Variants in SPTLC3 observed in about 807,000 individuals in gnomAD.
SPTLC3 encodes the protein serine palmitoyltransferase long chain base subunit 3, also known as serine palmitoyltransferase 3.
SPTLC3 carries 36 observed loss-of-function variants against 59.3 expected under a neutral mutation model. The ratio of observed to expected loss-of-function variants is 0.61; its 90% CI spans 0.47 to 0.80. SPTLC3 has a LOEUF of 0.80. SPTLC3 is among the 30% of genes least tolerant of loss of function. SPTLC3 has a pLI of 0.00. For missense variants in SPTLC3, 625 were observed against 685.1 expected (o/e 0.91, Z 0.98); for synonymous variants, 257 against 240.8 (o/e 1.07, Z -0.62).
chr20:13,137,100 A>T (rs6105044), intron 9 of SPTLC3, among the ~76,000 whole-genome samples: 109,534 of 152,068 alleles, frequency 0.72, 39,626 homozygotes, highest in African/African-American at 0.79. Context: ...CTGGTACAAG[A>T]AGTTCCTCTT....
At position 13,166,554 on chromosome 20, in the gene SPTLC3, T is replaced by C. The variant is rs1014302394; in HGVS notation, c.*1687T>C. Reference sequence around the variant, plus strand: ...TTCCAACTTTTCTCAATGAAACTGATGCAGTATTATTTGTGCAAATAAAAT... The same window carrying C: ...TTCCAACTTTTCTCAATGAAACTGACGCAGTATTATTTGTGCAAATAAAAT... On this transcript the variant is annotated 3_prime_UTR_variant, in exon 12 of 12. Transcript: ENST00000399002. 9 of 152,226 alleles carry C rather than the reference T, an allele frequency of 5.9e-5. No homozygotes were observed. Among genetic ancestry groups the C allele is most frequent in the African/African-American group, 2.2e-4 (9 of 41,466 alleles). The allele number at this position is 152,226 out of a possible 1,614,324, so 9.4% of individuals were successfully genotyped here. A position where few individuals can be genotyped will look rare whatever the true frequency, so the allele number is the denominator to read the frequency against.
At chr20:13,053,544 C>T (rs979159628) in intron 2 of SPTLC3, among the ~76,000 whole-genome samples, 4 of 151,972 alleles carry the variant, frequency 2.6e-5, no homozygotes, top group Admixed American at 6.6e-5. Flanking sequence ...ATGAGTTTGA[C>T]GAATTGACAG....
chr20:13,061,803 C>T (rs73901420), intron 2 of SPTLC3, among the ~76,000 whole-genome samples: 3,277 of 152,226 alleles, frequency 0.022, 121 homozygotes, highest in African/African-American at 0.075. Flanking sequence ...TCAGATGTAC[C>T]CTGCTTCCAC....
At chr20:13,051,300 A>G (rs374686573) in intron 2 of SPTLC3, among the ~76,000 whole-genome samples, 3 of 152,232 alleles carry the variant, frequency 2.0e-5, no homozygotes, top group Non-Finnish European at 4.4e-5. Context: ...CTATTCTAAT[A>G]TCAGACAACT....
rs149537305 is a variant in SPTLC3 at position 13,036,852 on chromosome 20, G to A, written c.118-12093G>A. Reference sequence around the variant, plus strand: ...TTTAGTTTACAATTTTTGTTACTCTGATGGGAACTGACTGATGGATCCTTT... The same window carrying A: ...TTTAGTTTACAATTTTTGTTACTCTAATGGGAACTGACTGATGGATCCTTT... On this transcript the variant is annotated intron_variant, in intron 1 of 11. Transcript: ENST00000399002. Among the ~76,000 whole-genome samples, 3 of 152,184 alleles carry A rather than the reference G, an allele frequency of 2.0e-5. No homozygotes were observed. The East Asian group carries it at 5.8e-4, about 29-fold the overall frequency.
chr20:13,083,639 C>G (rs763381061), intron 4 of SPTLC3, among the ~76,000 whole-genome samples: 2 of 152,186 alleles, frequency 1.3e-5, no homozygotes, highest in Non-Finnish European at 2.9e-5. Flanking sequence ...AATGGAAAGG[C>G]CATGTGTATC....
intron 9 of SPTLC3, among the ~76,000 whole-genome samples, chr20:13,130,416 A>C (rs2038095341): frequency 6.6e-6 from 1 of 152,240 alleles, no homozygotes; most frequent in Non-Finnish European, 1.5e-5. Flanking sequence ...TTTGGGGAGC[A>C]GTTGGCCAGA....
chr20:13,119,925 G>A (rs1195259478), intron 8 of SPTLC3, among the ~76,000 whole-genome samples: 1 of 152,160 alleles, frequency 6.6e-6, no homozygotes, highest in Non-Finnish European at 1.5e-5. Flanking sequence ...GATAAACCTG[G>A]GTAAACTGGC....
chr20:13,117,666 C>A lies in SPTLC3; in HGVS notation c.1093C>A (p.Leu365Ile). 1 of 1,613,878 alleles carries A rather than the reference C, an allele frequency of 6.2e-7. No individual in the cohort carries two copies. ...ACTAGACCCTCATGAAGTTGATGTG[C>A]TCATGGGCACATTCACCAAAAGTTT... ...FGLDPHEVDV[L>I]MGTFTKSFGA... Residue 365 changes from leucine to isoleucine, a missense_variant, in exon 8 of 12, where the codon CTC (leucine) becomes ATC (isoleucine). Coordinates refer to ENST00000399002, the MANE Select transcript of SPTLC3 (RefSeq NM_018327.4).
At chr20:13,106,976 G>A (rs540124166) in intron 6 of SPTLC3, among the ~76,000 whole-genome samples, 1 of 152,210 alleles carries the variant, frequency 6.6e-6, no homozygotes, top group Non-Finnish European at 1.5e-5. Context: ...ACAGAAGAAG[G>A]AACTCAAATG....
chr20:13,022,880 C>G (rs992138343), intron 1 of SPTLC3, among the ~76,000 whole-genome samples: 5 of 152,120 alleles, frequency 3.3e-5, no homozygotes, highest in Non-Finnish European at 7.4e-5. Context: ...CCATTTCACT[C>G]ACAGCAAAAA....
At chr20:13,067,350 C>A (rs2122556350) in intron 2 of SPTLC3, among the ~76,000 whole-genome samples, 1 of 152,060 alleles carries the variant, frequency 6.6e-6, no homozygotes, top group Non-Finnish European at 1.5e-5. Context: ...CTTGTTATAG[C>A]TCTTCACTCT....
At position 13,110,161 on chromosome 20, in the gene SPTLC3, G is replaced by A. The variant is rs1412149700; in HGVS notation, c.876G>A (p.Gln292=). ...KLLRDAVIYG[Q]PRTRRAWKKI... ...TGAGAGATGCTGTCATCTATGGCCA[G>A]CCTCGAACCCGCAGAGCTTGGAAAA... The change falls in exon 7 of 12, where the codon CAG becomes CAA. Residue 292 remains glutamine (Q), a synonymous_variant. Transcript: ENST00000399002. 2 of 1,613,648 alleles carry A rather than the reference G, an allele frequency of 1.2e-6. No homozygotes were observed. The highest frequency in any genetic ancestry group is 1.7e-4 in the Middle Eastern group (1 of 6,052).
chr20:13,091,343 G>A lies in SPTLC3; in HGVS notation c.732+136G>A, dbSNP rs1263508950. On this transcript the variant is annotated intron_variant, in intron 5 of 11. Coordinates refer to ENST00000399002, the MANE Select transcript of SPTLC3 (RefSeq NM_018327.4). Reference sequence around the variant, plus strand: ...TAATCCTAGCACTTTGGGAGCCCAAGGCGGGCGGATCACGAGGTCAAGAGA... The same window carrying A: ...TAATCCTAGCACTTTGGGAGCCCAAAGCGGGCGGATCACGAGGTCAAGAGA... 7 of 1,080,808 alleles carry A rather than the reference G, an allele frequency of 6.5e-6. No homozygotes were observed. The African/African-American group carries it at 9.6e-5, about 15-fold the overall frequency. 67.0% of individuals were successfully genotyped at this position (1,080,808 alleles called of 1,614,324 possible). A position where few individuals can be genotyped will look rare whatever the true frequency, so the allele number is the denominator to read the frequency against.
rs1024789903 is a variant in SPTLC3, at chr20:13,067,297, A to G, written c.304-4959A>G. On this transcript the variant is annotated intron_variant, in intron 2 of 11. Transcript: ENST00000399002. The stretch of plus-strand genomic sequence containing the variant: ...TTATCACTTCTTATTTATTAGCCCA[A>G]TAGAAAGAGGATGAAGGGATCTACC... Among the ~76,000 whole-genome samples, 22 of 151,978 alleles carry G rather than the reference A, an allele frequency of 1.4e-4. No individual in the cohort carries two copies. In the East Asian group the frequency reaches 3.1e-3, roughly 22 times the overall value.
At chr20:13,064,872 T>TATA (rs1409780797) in intron 2 of SPTLC3, among the ~76,000 whole-genome samples, 2 of 152,242 alleles carry the variant, frequency 1.3e-5, no homozygotes, top group Admixed American at 6.5e-5. Context: ...AGTAACAATT[T>TATA]ATAATTTTCT....
chr20:13,072,224 C>T, intron 2 of SPTLC3, 32 bp from the exon 3 acceptor site: 2 of 1,580,682 alleles, frequency 1.3e-6, no homozygotes, highest in Non-Finnish European at 1.7e-6. Context: ...AAGCAAAGAA[C>T]CAGAGATAAC....
chr20:13,104,142 C>T (rs1989738659), intron 6 of SPTLC3, among the ~76,000 whole-genome samples: 1 of 152,140 alleles, frequency 6.6e-6, no homozygotes, highest in South Asian at 2.1e-4. Flanking sequence ...ACTATGCTGG[C>T]AAAAGGCTAG....
At chr20:13,073,935 G>T in intron 3 of SPTLC3, 1 of 582,116 alleles carries the variant, frequency 1.7e-6, no homozygotes, top group East Asian at 4.4e-5. Flanking sequence ...GGATCATCCA[G>T]GGAGGTGTGG....
Sources: allele counts gnomAD v4.1 joint callset (sites outside exome capture counted in the v4.1 genomes callset), GRCh38; gene constraint gnomAD v4.1.1; transcripts MANE v1.5; gene names NCBI Gene and HGNC (gene_info 2026-07-23, HGNC 2026-07-21).